LRRC69: variants seen among roughly 807,000 people sequenced by gnomAD.
LRRC69 encodes the protein leucine rich repeat containing 69.
LRRC69 carries 42 observed loss-of-function variants against 37.8 expected under a neutral mutation model. That is an observed-to-expected ratio of 1.11 (90% CI 0.87 to 1.44). LRRC69 has a LOEUF of 1.44. Among genes scored for constraint, LRRC69 ranks in the 40% most tolerant of loss-of-function variants. The pLI is 0.00. For synonymous variants in LRRC69, 141 were observed against 143.1 expected, an observed-to-expected ratio of 0.99 and a Z score of 0.11; for missense variants, 357 against 401.9, an observed-to-expected ratio of 0.89 and a Z score of 0.96.
chr8:91,131,922 A>G (rs994000318), intron 3 of LRRC69, among the ~76,000 whole-genome samples: 1 of 151,858 alleles, frequency 6.6e-6, no homozygotes, highest in Non-Finnish European at 1.5e-5. Context: ...AGTTGTTTAT[A>G]TTTCTCAAGA....
intron 6 of LRRC69, among the ~76,000 whole-genome samples, chr8:91,190,911 C>T (rs1809482416): frequency 6.6e-6 from 1 of 151,908 alleles, no homozygotes; most frequent in Admixed American, 6.6e-5. Context: ...AAAACCTTAG[C>T]CAGGCATGGC....
intron 1 of LRRC69, among the ~76,000 whole-genome samples, chr8:91,121,457 C>T (rs1232224929): frequency 6.6e-6 from 1 of 152,028 alleles, no homozygotes; most frequent in Non-Finnish European, 1.5e-5. Context: ...CAGTGCTCAG[C>T]CACATTAGCT....
intron 5 of LRRC69, among the ~76,000 whole-genome samples, chr8:91,168,755 A>G (rs578220238): frequency 6.6e-6 from 1 of 151,832 alleles, no homozygotes; most frequent in Admixed American, 6.6e-5. Context: ...TGCAATTAAT[A>G]TAGCAAGCCA....
chr8:91,174,881 C>T (rs1160587242), intron 5 of LRRC69, among the ~76,000 whole-genome samples: 1 of 82,530 alleles, frequency 1.2e-5, no homozygotes, highest in Non-Finnish European at 2.7e-5. Context: ...AACTGTATAA[C>T]TGGCTTTTAA....
Position 91,130,920 on chromosome 8 carries a change from G to T in LRRC69, c.384-2190G>T, listed in dbSNP as rs1050311277. The T allele has an allele frequency of 2.0e-5, 3 of 151,896 alleles. 1 individual carries two copies. The highest frequency in any genetic ancestry group is 1.3e-4 in the Admixed American group (2 of 15,238). 9.4% of individuals were successfully genotyped at this position (151,896 alleles called of 1,614,324 possible). On this transcript the variant is annotated intron_variant, in intron 3 of 7. Transcript: ENST00000448384. ...TAGAAGGGGCAAGGAGCTCTCTGGG[G>T]CCTTTTGTAAGGACATTAATTACAT...
intron 5 of LRRC69, among the ~76,000 whole-genome samples, chr8:91,136,557 G>A (rs1808422278): frequency 6.6e-6 from 1 of 151,756 alleles, no homozygotes; most frequent in Admixed American, 6.6e-5. Context: ...TATAGTCCAC[G>A]GTACTAAGTA....
chr8:91,107,135 G>GTTA (rs1457878705), intron 1 of LRRC69, among the ~76,000 whole-genome samples: 2 of 148,668 alleles, frequency 1.3e-5, no homozygotes, highest in Non-Finnish European at 3.0e-5. Context: ...TATTATTATT[G>GTTA]TTATTATTAT....
chr8:91,132,587 C>T (rs570585669), intron 3 of LRRC69, among the ~76,000 whole-genome samples: 14 of 152,082 alleles, frequency 9.2e-5, no homozygotes, highest in Admixed American at 3.9e-4. Flanking sequence ...ATGGCATTTG[C>T]TGTTCTCAGT....
At chr8:91,203,569 GT>G (rs1809746500) in intron 7 of LRRC69, among the ~76,000 whole-genome samples, 1 of 150,916 alleles carries the variant, frequency 6.6e-6, no homozygotes, top group Non-Finnish European at 1.5e-5. Flanking sequence ...TTTTTTGTGT[GT>G]GTATTTTTAG....
intron 5 of LRRC69, among the ~76,000 whole-genome samples, chr8:91,147,156 A>G (rs1354103788): frequency 6.6e-6 from 1 of 150,892 alleles, no homozygotes; most frequent in Non-Finnish European, 1.5e-5. Flanking sequence ...CCTGGGCCCC[A>G]TGCTCATATA....
At chr8:91,184,397 A>G (rs1238038231) in intron 5 of LRRC69, among the ~76,000 whole-genome samples, 1 of 152,270 alleles carries the variant, frequency 6.6e-6, no homozygotes. Flanking sequence ...AAGAGTAAGA[A>G]TAACTTTCAG....
chr8:91,191,980 T>A (rs887130286), intron 6 of LRRC69, among the ~76,000 whole-genome samples: 2 of 145,468 alleles, frequency 1.4e-5, no homozygotes, highest in Non-Finnish European at 3.0e-5. Flanking sequence ...TATCTCCCAA[T>A]GCTATCCCTC....
In LRRC69 at chr8:91,114,392, A is replaced by G. The variant is rs920955170; in HGVS notation, c.184-10101A>G. Among the ~76,000 whole-genome samples the G allele has an allele frequency of 7.9e-5, 12 of 152,052 alleles. 1 individual carries two copies. Among genetic ancestry groups the G allele is most frequent in the Admixed American group, 7.9e-4 (12 of 15,254 alleles). ...TTATTCACAATAGCCAAGATATGGG[A>G]ACAACCAAAATGTCCATCAATGGAC... On this transcript the variant is annotated intron_variant, in intron 1 of 7. Coordinates refer to ENST00000448384, the Ensembl canonical transcript of LRRC69.
chr8:91,216,269 C>T (rs1810045555), intron 7 of LRRC69, among the ~76,000 whole-genome samples: 4 of 152,112 alleles, frequency 2.6e-5, no homozygotes, highest in African/African-American at 9.7e-5. Flanking sequence ...AGACACTTTG[C>T]ATTCCTGCTT....
intron 5 of LRRC69, among the ~76,000 whole-genome samples, chr8:91,169,065 C>A (rs986392761): frequency 6.6e-6 from 1 of 151,920 alleles, no homozygotes; most frequent in Non-Finnish European, 1.5e-5. Context: ...CAGGAAGCAA[C>A]AAAATGCTTG....
At chr8:91,127,602 A>AT (rs1491227789) in intron 3 of LRRC69, among the ~76,000 whole-genome samples, 38 of 10,694 alleles carry the variant, frequency 3.6e-3, no homozygotes, top group African/African-American at 0.023. Context: ...GTCATTAACC[A>AT]AAAAAAAAAA....
At chr8:91,186,530 C>G (rs1755263445) in intron 5 of LRRC69, among the ~76,000 whole-genome samples, 1 of 152,030 alleles carries the variant, frequency 6.6e-6, no homozygotes, top group African/African-American at 2.4e-5. Flanking sequence ...AAAGATGGGG[C>G]TTACTAGGAT....
chr8:91,146,896 T>C (rs1808630012), intron 5 of LRRC69, among the ~76,000 whole-genome samples: 1 of 151,666 alleles, frequency 6.6e-6, no homozygotes, highest in African/African-American at 2.4e-5. Context: ...TGCTGGCATC[T>C]AGTGAGTAGA....
intron 5 of LRRC69, among the ~76,000 whole-genome samples, chr8:91,160,986 G>C (rs530816569): frequency 2.6e-4 from 40 of 151,182 alleles, no homozygotes; most frequent in Non-Finnish European, 5.2e-4. Context: ...CTAATTTGTT[G>C]AGAGTTTTTA....
Sources: allele counts gnomAD v4.1 joint callset (sites outside exome capture counted in the v4.1 genomes callset), GRCh38; gene constraint gnomAD v4.1.1; transcripts MANE v1.5; gene names NCBI Gene and HGNC (gene_info 2026-07-23, HGNC 2026-07-21).